The following ZNF326 variants were observed in gnomAD, a reference collection of about 807,000 sequenced individuals.
ZNF326 encodes DBIRD complex subunit ZNF326.
Under a neutral mutation model 63.1 loss-of-function variants are expected in ZNF326, and 30 were observed. The observed-to-expected ratio is 0.48, with a 90% CI of 0.36 to 0.64. The LOEUF (loss-of-function observed/expected upper bound fraction) is 0.64. ZNF326 is among the 30% of genes least tolerant of loss of function. The probability of loss-of-function intolerance (pLI) is 0.00; values close to 1 mark genes in which losing one functional copy is unlikely to be tolerated. For synonymous variants in ZNF326, 194 were observed against 228.2 expected (o/e 0.85, Z 1.35); for missense variants, 609 against 720.3 (o/e 0.85, Z 1.77).
intron 1 of ZNF326, among the ~76,000 whole-genome samples, chr1:89,995,922 G>A (rs1570928879): frequency 6.6e-6 from 1 of 152,194 alleles, no homozygotes; most frequent in African/African-American, 2.4e-5. Flanking sequence ...GTGAACCAAA[G>A]CACTTTTCTT....
intron 1 of ZNF326, among the ~76,000 whole-genome samples, chr1:89,995,501 C>T (rs990037140): frequency 6.6e-6 from 1 of 152,258 alleles, no homozygotes; most frequent in Non-Finnish European, 1.5e-5. Flanking sequence ...ACTCGGTGTC[C>T]GGTAGGACGC....
At position 90,001,852 on chromosome 1, in the gene ZNF326, C is replaced by T. The variant is rs369570505; in HGVS notation, c.62-3151C>T. Among the ~76,000 whole-genome samples the T allele has an allele frequency of 5.9e-5, 9 of 152,080 alleles. No homozygotes were observed. The East Asian group carries it at 9.7e-4, about 16-fold the overall frequency. ...GGATTACAGGTGTAAGCCACCTTGC[C>T]CAGCCCATAGGTCAGTTTTTTTTCC... On this transcript the variant is annotated intron_variant, in intron 2 of 11. Coordinates refer to ENST00000340281, the MANE Select transcript of ZNF326 (RefSeq NM_182976.4).
chr1:90,002,750 A>G (rs1482107190), intron 2 of ZNF326, among the ~76,000 whole-genome samples: 5 of 152,204 alleles, frequency 3.3e-5, no homozygotes, highest in Non-Finnish European at 5.9e-5. Flanking sequence ...AAGCAGTAAC[A>G]TATCTCCATA....
At chr1:90,011,430 G>A (rs1398338114) in intron 6 of ZNF326, among the ~76,000 whole-genome samples, 1 of 151,488 alleles carries the variant, frequency 6.6e-6, no homozygotes, top group African/African-American at 2.4e-5. Flanking sequence ...CTTATTTGAG[G>A]TAATATATAA....
Position 90,033,224 on chromosome 1 carries a change from C to T in ZNF326, c.*5523C>T, listed in dbSNP as rs1650348691. ...TGTAGAACACCAAAACAATATATGA[C>T]AGATACTGTGTTTGGGCCTTAAAGC... On this transcript the variant is annotated 3_prime_UTR_variant, in exon 12 of 12. Transcript: ENST00000340281. 6.6e-6 allele frequency: 1 copy of T among 152,084 alleles called. No individual in the cohort carries two copies. Among genetic ancestry groups the T allele is most frequent in the African/African-American group, 2.4e-5 (1 of 41,408 alleles). 9.4% of individuals were successfully genotyped at this position (152,084 alleles called of 1,614,324 possible).
Position 90,007,605 on chromosome 1 carries a change from A to G in ZNF326, c.470A>G (p.Tyr157Cys). 1 of 1,603,232 alleles carries G rather than the reference A, an allele frequency of 6.2e-7. No homozygotes were observed. Among genetic ancestry groups the G allele is most frequent in the Non-Finnish European group, 8.5e-7 (1 of 1,173,958 alleles). Reference protein sequence around the residue: ...EDRGRENYSSYSSFSSPHMKP... With the variant: ...EDRGRENYSSCSSFSSPHMKP... ...AGAGGAAGAGAGAATTACTCTTCCT[A>G]CAGCAGTTTTTCTTCACCCCATATG... is the stretch of plus-strand genomic sequence containing the variant. The change falls in exon 5 of 12, where the codon TAC (tyrosine) becomes TGC (cysteine). Residue 157 changes from tyrosine to cysteine, a missense_variant. Physicochemically the swap from Tyr to Cys is radical, Grantham distance 194. Around this residue, in one of 3 missense-constraint regions of ZNF326, gnomAD observed 113 missense variants for 187.4 expected, o/e 0.60. Transcript: ENST00000340281. This position sits in a 1 kb window ranked among gnomAD's most constrained non-coding sequence, Gnocchi z 4.9.
chr1:90,021,546 G>A (rs927197305), intron 10 of ZNF326, among the ~76,000 whole-genome samples: 1 of 152,000 alleles, frequency 6.6e-6, no homozygotes, highest in African/African-American at 2.4e-5. Context: ...GTATATTTCT[G>A]CTTCTCTATT....
At chr1:90,006,450 CTT>C in intron 4 of ZNF326, 1 of 985,316 alleles carries the variant, frequency 1.0e-6, no homozygotes, top group Non-Finnish European at 1.2e-6. Flanking sequence ...TATCAAGCAA[CTT>C]TTGTAATCCA....
intron 1 of ZNF326, 146 bp downstream of exon 1, chr1:89,995,419 A>G (rs1247585510): frequency 1.7e-6 from 2 of 1,146,874 alleles, no homozygotes; most frequent in Non-Finnish European, 2.3e-6. Context: ...CAGCGCCCGG[A>G]GTCGGCCTCT....
chr1:90,021,532 G>T (rs1392351566), intron 10 of ZNF326, among the ~76,000 whole-genome samples: 4 of 151,886 alleles, frequency 2.6e-5, no homozygotes, highest in Non-Finnish European at 5.9e-5. Context: ...CTTCTTTTTG[G>T]TCAGTATATT....
rs1650197161 is a variant in ZNF326 at position 90,030,027 on chromosome 1, A to G, written c.*2326A>G. 6.6e-6 allele frequency: 1 copy of G among 152,248 alleles called. No homozygotes were observed. Among genetic ancestry groups the G allele is most frequent in the Non-Finnish European group, 1.5e-5 (1 of 68,036 alleles). The allele number at this position is 152,248 out of a possible 1,614,324, so 9.4% of individuals were successfully genotyped here. ...AAGTATCACTTGTTTTCTCTATTACAAAGTGAGATACATAGTTCTAAATAA... is the reference window on the plus strand; with the variant it reads ...AAGTATCACTTGTTTTCTCTATTACGAAGTGAGATACATAGTTCTAAATAA... On this transcript the variant is annotated 3_prime_UTR_variant, in exon 12 of 12. Coordinates refer to ENST00000340281, the MANE Select transcript of ZNF326 (RefSeq NM_182976.4).
chr1:90,022,422 G>T lies in ZNF326; in HGVS notation c.1401+77G>T, dbSNP rs944167103. ...TTAACTGGTGACATAGTAACCTTTT[G>T]TGATACTTGAATATAGTATAACATA... On this transcript the variant is annotated intron_variant, in intron 11 of 11. Coordinates refer to ENST00000340281, the MANE Select transcript of ZNF326 (RefSeq NM_182976.4). 3 of 1,036,826 alleles carry T rather than the reference G, an allele frequency of 2.9e-6. No individual in the cohort carries two copies. The African/African-American group carries it at 4.8e-5, about 17-fold the overall frequency. 64.2% of individuals were successfully genotyped at this position (1,036,826 alleles called of 1,614,324 possible).
At chr1:89,995,353 GA>G in intron 1 of ZNF326, 80 bp downstream of exon 1, 1 of 1,494,198 alleles carries the variant, frequency 6.7e-7, no homozygotes, top group Non-Finnish European at 8.9e-7. Context: ...ACCGTCTCAA[GA>G]TGGCCGTGTG....
chr1:90,007,234 A>G lies in ZNF326; in HGVS notation c.210-111A>G, dbSNP rs1280038438. 9.0e-7 allele frequency: 1 copy of G among 1,115,112 alleles called. No individual in the cohort carries two copies. Among genetic ancestry groups the G allele is most frequent in the Non-Finnish European group, 1.3e-6 (1 of 787,184 alleles). 69.1% of individuals were successfully genotyped at this position (1,115,112 alleles called of 1,614,324 possible). ...CAAAAGTAGAACTGTGCAAACCAGT[A>G]TGGTATAAATGAATTTTAGTTGATA... is the stretch of plus-strand genomic sequence containing the variant. On this transcript the variant is annotated intron_variant, in intron 4 of 11. Transcript: ENST00000340281. This position sits in a 1 kb window ranked among gnomAD's most constrained non-coding sequence, Gnocchi z 4.9.
rs527713993 is a variant in ZNF326, at chr1:89,996,011, G to A, written c.16+738G>A. ...TCAAATGTCCTTCACATTTAGACCTGTACACAGCCTTGTAAGTGTTTGACT... is the reference window on the plus strand; with the variant it reads ...TCAAATGTCCTTCACATTTAGACCTATACACAGCCTTGTAAGTGTTTGACT... On this transcript the variant is annotated intron_variant, in intron 1 of 11. Coordinates refer to ENST00000340281, the MANE Select transcript of ZNF326 (RefSeq NM_182976.4). Among the ~76,000 whole-genome samples the A allele has an allele frequency of 8.5e-5, 13 of 152,310 alleles. No homozygotes were observed. In the South Asian group the frequency reaches 2.7e-3, roughly 32 times the overall value.
chr1:90,020,934 ATC>A lies in ZNF326; in HGVS notation c.1305+14_1305+15del. On this transcript the variant is annotated intron_variant, in intron 10 of 11. Coordinates refer to ENST00000340281, the MANE Select transcript of ZNF326 (RefSeq NM_182976.4). ...TCAAAGGGAAGCAGGTAAAATTTTCATCTGTCTTAATAAAGTTGCCAGATTAT... is the reference window on the plus strand; with the variant it reads ...TCAAAGGGAAGCAGGTAAAATTTTCATGTCTTAATAAAGTTGCCAGATTAT... 1 of 1,610,678 alleles carries A rather than the reference ATC, an allele frequency of 6.2e-7. No homozygotes were observed. Among genetic ancestry groups the A allele is most frequent in the Non-Finnish European group, 8.5e-7 (1 of 1,178,582 alleles).
At chr1:90,022,701 A>G (rs2101090962) in intron 11 of ZNF326, among the ~76,000 whole-genome samples, 1 of 152,302 alleles carries the variant, frequency 6.6e-6, no homozygotes, top group South Asian at 2.1e-4. Flanking sequence ...TGAATTAGGT[A>G]GACTTAGATC....
intron 8 of ZNF326, among the ~76,000 whole-genome samples, chr1:90,018,031 C>T (rs928438526): frequency 2.0e-5 from 3 of 152,158 alleles, no homozygotes; most frequent in African/African-American, 2.4e-5. Context: ...CAGTGGCTCA[C>T]GCCTGTAATC....
chr1:90,014,249 A>G (rs994258552), intron 7 of ZNF326, among the ~76,000 whole-genome samples: 1 of 152,226 alleles, frequency 6.6e-6, no homozygotes, highest in African/African-American at 2.4e-5. Flanking sequence ...AAAGGAAATT[A>G]TGAGCAGATT....
Sources: gnomAD v4.1 joint callset for allele counts (sites outside exome capture counted in the v4.1 genomes callset) on GRCh38, gnomAD v4.1.1 for gene constraint, gnomAD v4.1.1 regional missense constraint, Gnocchi (gnomAD v3.1) non-coding constraint, MANE v1.5 for transcripts, NCBI Gene and HGNC (gene_info 2026-07-23, HGNC 2026-07-21) for gene names.